The following FOXP2 variants were observed in gnomAD, a reference collection of about 807,000 sequenced individuals.
FOXP2 encodes the protein forkhead box protein P2.
A neutral mutation model predicts 115.8 loss-of-function variants in FOXP2; 12 were observed. The ratio of observed to expected loss-of-function variants is 0.10; its 90% confidence interval spans 0.07 to 0.17. The LOEUF is 0.17. Among genes scored for constraint, FOXP2 ranks in the 10% least tolerant of loss-of-function variants. The probability of loss-of-function intolerance (pLI) is 1.00; values close to 1 mark genes in which losing one functional copy is unlikely to be tolerated. For synonymous variants in FOXP2, 328 were observed against 297.7 expected (o/e 1.10, Z -1.05); for missense variants, 629 against 843.5 (o/e 0.75, Z 3.15).
rs77828129 is a variant in FOXP2, at chr7:114,374,733, C to T, written c.-10-51769C>T. Among the ~76,000 whole-genome samples the T allele has an allele frequency of 6.8e-3, 1,028 of 152,294 alleles. 12 individuals are homozygous for T. The highest frequency in any genetic ancestry group is 0.024 in the African/African-American group (979 of 41,566). On this transcript the variant is annotated intron_variant, in intron 2 of 17. Coordinates refer to the FOXP2 transcript ENST00000634411. Reference sequence around the variant, plus strand: ...TTGGTTGAAGGGATCTTGACTTATCCTTATTTGTAATTCCCTCTAGCACCT... The same window carrying T: ...TTGGTTGAAGGGATCTTGACTTATCTTTATTTGTAATTCCCTCTAGCACCT...
At chr7:114,567,392 A>G (rs753588452) in intron 3 of FOXP2, among the ~76,000 whole-genome samples, 2 of 152,114 alleles carry the variant, frequency 1.3e-5, no homozygotes, top group Admixed American at 6.6e-5. Flanking sequence ...TCACACCACT[A>G]TTAAGTGTAA....
chr7:114,608,620 G>A (rs2129316985), intron 3 of FOXP2, among the ~76,000 whole-genome samples: 1 of 152,242 alleles, frequency 6.6e-6, no homozygotes, highest in Admixed American at 6.5e-5. Flanking sequence ...TACTCTCAGG[G>A]AGAGTATTAT....
At chr7:114,265,493 G>A (rs969078578) in intron 1 of FOXP2, among the ~76,000 whole-genome samples, 2 of 152,188 alleles carry the variant, frequency 1.3e-5, no homozygotes, top group Admixed American at 6.5e-5. Context: ...GCTCTCACAG[G>A]TTTTTGAGTG....
intron 2 of FOXP2, chr7:114,463,049 G>T (rs1225933581): frequency 3.5e-5 from 15 of 432,856 alleles, no homozygotes. Context: ...GTTTTTTAGA[G>T]ACAGGGTCTT....
intron 2 of FOXP2, among the ~76,000 whole-genome samples, chr7:114,406,931 G>A (rs376358915): frequency 7.9e-5 from 12 of 151,950 alleles, no homozygotes; most frequent in African/African-American, 2.7e-4. Flanking sequence ...AGTTGGAAGC[G>A]TTTAAGAATT....
intron 2 of FOXP2, among the ~76,000 whole-genome samples, chr7:114,523,575 G>A (rs769676698): frequency 6.6e-6 from 1 of 152,140 alleles, no homozygotes; most frequent in African/African-American, 2.4e-5. Context: ...CTGAAAGGAA[G>A]GTGAATAGAG....
At chr7:114,381,962 C>T (rs1445420008) in intron 2 of FOXP2, among the ~76,000 whole-genome samples, 2 of 152,110 alleles carry the variant, frequency 1.3e-5, no homozygotes, top group African/African-American at 4.8e-5. Flanking sequence ...AGGATTAATT[C>T]CTTCCTCAAG....
At chr7:114,424,504 G>A (rs1793753680) in intron 1 of FOXP2, among the ~76,000 whole-genome samples, 1 of 151,406 alleles carries the variant, frequency 6.6e-6, no homozygotes, top group Middle Eastern at 3.2e-3. Context: ...GGAGAGGATT[G>A]AAATTATAAT....
At chr7:114,314,336 G>A (rs1352447116) in intron 2 of FOXP2, among the ~76,000 whole-genome samples, 1 of 151,326 alleles carries the variant, frequency 6.6e-6, no homozygotes, top group Non-Finnish European at 1.5e-5. Flanking sequence ...GCTGTGTTTG[G>A]TAAAATTTCT....
intron 3 of FOXP2, among the ~76,000 whole-genome samples, chr7:114,588,230 C>T (rs542911593): frequency 6.6e-6 from 1 of 151,986 alleles, no homozygotes; most frequent in Non-Finnish European, 1.5e-5. Context: ...TGGCGTGAAC[C>T]TGAGAGGCGG....
intron 2 of FOXP2, among the ~76,000 whole-genome samples, chr7:114,370,060 G>C (rs1318180535): frequency 6.6e-6 from 1 of 152,176 alleles, no homozygotes; most frequent in African/African-American, 2.4e-5. Context: ...AGTAATGCTT[G>C]TTCAAAATTT....
chr7:114,308,880 T>C (rs1248572113), intron 2 of FOXP2, among the ~76,000 whole-genome samples: 2 of 152,124 alleles, frequency 1.3e-5, no homozygotes, highest in Non-Finnish European at 2.9e-5. Flanking sequence ...TCAACAGCAG[T>C]GAAGCATCAA....
At chr7:114,254,581 A>G (rs528229282) in intron 1 of FOXP2, among the ~76,000 whole-genome samples, 5 of 152,296 alleles carry the variant, frequency 3.3e-5, no homozygotes, top group African/African-American at 1.2e-4. Context: ...CCAGTTGATC[A>G]AATCAGCTAC....
chr7:114,595,586 A>G (rs1802652269), intron 3 of FOXP2, among the ~76,000 whole-genome samples: 1 of 152,060 alleles, frequency 6.6e-6, no homozygotes, highest in Non-Finnish European at 1.5e-5. Context: ...TTGGTATATA[A>G]TAGAGGTAAG....
intron 2 of FOXP2, among the ~76,000 whole-genome samples, chr7:114,532,276 G>C (rs969863649): frequency 6.6e-6 from 1 of 152,000 alleles, no homozygotes; most frequent in African/African-American, 2.4e-5. Flanking sequence ...AGTATATATT[G>C]TGTGATAGTT....
chr7:114,241,727 A>T (rs1795159798), intron 1 of FOXP2, among the ~76,000 whole-genome samples: 1 of 134,014 alleles, frequency 7.5e-6, no homozygotes, highest in South Asian at 2.6e-4. Flanking sequence ...AAACGTAAAA[A>T]AAAGATTTGA....
chr7:114,580,053 GT>G (rs1801769201), intron 3 of FOXP2, among the ~76,000 whole-genome samples: 1 of 152,170 alleles, frequency 6.6e-6, no homozygotes, highest in Admixed American at 6.5e-5. Flanking sequence ...AGAATTTGAA[GT>G]TTTAAGTGCC....
intron 16 of FOXP2, chr7:114,665,830 C>T (rs1385494549): frequency 6.6e-6 from 1 of 152,024 alleles, no homozygotes; most frequent in Non-Finnish European, 1.5e-5. Flanking sequence ...TTTATATCCC[C>T]GCTTTATCCT....
chr7:114,489,806 G>A (rs765118686), intron 2 of FOXP2, among the ~76,000 whole-genome samples: 7 of 152,068 alleles, frequency 4.6e-5, no homozygotes, highest in East Asian at 1.9e-4. Flanking sequence ...TATGTAGGTG[G>A]CAAGTAAGTA....
Sources: gnomAD v4.1 joint callset for allele counts (sites outside exome capture counted in the v4.1 genomes callset) on GRCh38, gnomAD v4.1.1 for gene constraint, MANE v1.5 for transcripts, NCBI Gene and HGNC (gene_info 2026-07-23, HGNC 2026-07-21) for gene names.